Variants in CNTLN observed in about 807,000 individuals in gnomAD.
CNTLN encodes centlein, centrosomal protein.
Under a neutral mutation model 180.0 loss-of-function variants are expected in CNTLN, and 212 were observed. The ratio of observed to expected loss-of-function variants is 1.18; its 90% confidence interval spans 1.05 to 1.32. The LOEUF (loss-of-function observed/expected upper bound fraction) is 1.32, where lower values mean the gene tolerates loss of function less well. Ranked by LOEUF, CNTLN falls within the 40% of genes most tolerant of loss-of-function variation. The probability of loss-of-function intolerance (pLI) is 0.00; values close to 1 mark genes in which losing one functional copy is unlikely to be tolerated. For missense variants in CNTLN, 2,095 were observed against 1,610.9 expected (o/e 1.30, Z -5.14); for synonymous variants, 722 against 563.1 (o/e 1.28, Z -3.99).
chr9:17,150,758 G>A lies in CNTLN; in HGVS notation c.449+7382G>A, dbSNP rs929412568. 2.6e-5 allele frequency among the ~76,000 whole-genome samples: 4 copies of A among 152,102 alleles called. No homozygotes were observed. In the East Asian group the frequency reaches 5.8e-4, roughly 22 times the overall value. ...CTTTGGGCAGTATGGCCATTTTCAC[G>A]ATATTGATTCTTCCTATCCGTGAGC... On this transcript the variant is annotated intron_variant, in intron 2 of 25. Coordinates refer to ENST00000380647, the MANE Select transcript of CNTLN (RefSeq NM_017738.4).
intron 15 of CNTLN, among the ~76,000 whole-genome samples, chr9:17,397,401 T>G (rs1826620907): frequency 6.6e-6 from 1 of 152,328 alleles, no homozygotes; most frequent in South Asian, 2.1e-4. Flanking sequence ...AAGGAGTGGA[T>G]TATTCATGCC....
rs183138731 is a variant in CNTLN at position 17,268,357 on chromosome 9, G to A, written c.850-5376G>A. On this transcript the variant is annotated intron_variant, in intron 5 of 25. Transcript: ENST00000380647. ...CGGTGGCTTTAGAATAGCGGATATT[G>A]GTGACCCGCAAATGCTGCTGCCTGA... Among the ~76,000 whole-genome samples the A allele has an allele frequency of 1.7e-3, 259 of 152,240 alleles. 1 individual carries two copies. The highest frequency in any genetic ancestry group is 2.9e-3 in the Non-Finnish European group (195 of 68,018).
At chr9:17,328,522 C>G (rs1054477211) in intron 8 of CNTLN, among the ~76,000 whole-genome samples, 1 of 152,118 alleles carries the variant, frequency 6.6e-6, no homozygotes, top group Non-Finnish European at 1.5e-5. Context: ...CTTCATTTTG[C>G]TCATATTTAA....
the CNTLN span, among the ~76,000 whole-genome samples, chr9:17,510,436 C>T: frequency 6.6e-6 from 1 of 152,142 alleles, no homozygotes; most frequent in East Asian, 1.9e-4. Flanking sequence ...CTGATTGGGT[C>T]ATGGTGCTCA....
chr9:17,409,599 T>C (rs937310822), intron 16 of CNTLN, 126 bp downstream of exon 16: 4 of 675,298 alleles, frequency 5.9e-6, no homozygotes, highest in Non-Finnish European at 7.0e-6. Context: ...CTTTAAAATA[T>C]ACAGTGAAAA....
chr9:17,265,378 C>G (rs1047021264), intron 5 of CNTLN, among the ~76,000 whole-genome samples: 3 of 152,154 alleles, frequency 2.0e-5, no homozygotes, highest in Non-Finnish European at 2.9e-5. Flanking sequence ...GCCTTGCATT[C>G]TAGGGATGAA....
chr9:17,301,413 TAA>T, intron 7 of CNTLN: 1 of 985,388 alleles, frequency 1.0e-6, no homozygotes. Context: ...AGAATAAAAA[TAA>T]AAGAGAACAA....
chr9:17,253,996 A>G (rs1826314691), intron 5 of CNTLN, among the ~76,000 whole-genome samples: 1 of 151,468 alleles, frequency 6.6e-6, no homozygotes, highest in Non-Finnish European at 1.5e-5. Flanking sequence ...AGGTGTGTTG[A>G]ATTTTATCAT....
At chr9:17,310,536 C>T (rs114827612) in intron 8 of CNTLN, among the ~76,000 whole-genome samples, 1 of 152,098 alleles carries the variant, frequency 6.6e-6, no homozygotes, top group Non-Finnish European at 1.5e-5. Context: ...TTGACATTTT[C>T]GCACATGTTT....
At chr9:17,308,848 G>A (rs1223996926) in intron 7 of CNTLN, among the ~76,000 whole-genome samples, 1 of 149,402 alleles carries the variant, frequency 6.7e-6, no homozygotes, top group Non-Finnish European at 1.5e-5. Context: ...CATTTTAAAT[G>A]TTAAAAAATT....
chr9:17,245,623 A>G (rs1261193029), intron 5 of CNTLN, among the ~76,000 whole-genome samples: 2 of 151,916 alleles, frequency 1.3e-5, no homozygotes, highest in African/African-American at 2.4e-5. Context: ...ATCCCTTTGA[A>G]TATATTTTCT....
At chr9:17,161,356 C>T (rs1245825511) in intron 2 of CNTLN, among the ~76,000 whole-genome samples, 2 of 151,982 alleles carry the variant, frequency 1.3e-5, no homozygotes, top group African/African-American at 4.8e-5. Context: ...ATCTAATTTC[C>T]TTGCTATTAT....
At chr9:17,253,674 T>TA (rs1307449931) in intron 5 of CNTLN, among the ~76,000 whole-genome samples, 1 of 151,154 alleles carries the variant, frequency 6.6e-6, no homozygotes, top group Non-Finnish European at 1.5e-5. Flanking sequence ...GTAGAGTCAT[T>TA]AAAAAAAGAA....
chr9:17,312,341 ATT>A (rs1563984616), intron 8 of CNTLN, among the ~76,000 whole-genome samples: 280 of 11,940 alleles, frequency 0.023, 3 homozygotes, highest in African/African-American at 0.039. Flanking sequence ...AGATTACTGT[ATT>A]TATATATATA....
chr9:17,228,280 C>T (rs1408629961), intron 3 of CNTLN, among the ~76,000 whole-genome samples: 1 of 151,944 alleles, frequency 6.6e-6, no homozygotes, highest in East Asian at 1.9e-4. Flanking sequence ...CTTCTGCATC[C>T]TTGAGTAGGG....
chr9:17,238,333 A>G (rs1379303516), intron 5 of CNTLN, among the ~76,000 whole-genome samples: 1 of 152,160 alleles, frequency 6.6e-6, no homozygotes. Flanking sequence ...TAATCTATTC[A>G]TAATTTATTT....
At chr9:17,473,402 C>T (rs1249635020) in intron 23 of CNTLN, among the ~76,000 whole-genome samples, 1 of 152,112 alleles carries the variant, frequency 6.6e-6, no homozygotes, top group Non-Finnish European at 1.5e-5. Context: ...TACCCACATA[C>T]TGTCCCTTCC....
At chr9:17,518,761 C>T in the CNTLN span, among the ~76,000 whole-genome samples, 1 of 152,124 alleles carries the variant, frequency 6.6e-6, no homozygotes, top group Non-Finnish European at 1.5e-5. Context: ...TTGTGTAATT[C>T]CCTACCTTCT....
At chr9:17,474,106 C>A (rs1343876627) in intron 23 of CNTLN, among the ~76,000 whole-genome samples, 2 of 152,078 alleles carry the variant, frequency 1.3e-5, no homozygotes, top group African/African-American at 2.4e-5. Flanking sequence ...ACAATCTGTA[C>A]CAACACTGTA....
Sources: gnomAD v4.1 joint callset for allele counts (sites outside exome capture counted in the v4.1 genomes callset) on GRCh38, gnomAD v4.1.1 for gene constraint, MANE v1.5 for transcripts, NCBI Gene and HGNC (gene_info 2026-07-23, HGNC 2026-07-21) for gene names.